PTPRD: variants seen among roughly 807,000 people sequenced by gnomAD.
The protein encoded by PTPRD is protein tyrosine phosphatase receptor type D.
Under a neutral mutation model 214.5 loss-of-function variants are expected in PTPRD, and 34 were observed. The observed-to-expected ratio is 0.16, with a 90% CI of 0.12 to 0.21. The LOEUF (loss-of-function observed/expected upper bound fraction) is 0.21, where lower values mean the gene tolerates loss of function less well. PTPRD is among the 10% of genes least tolerant of loss of function. PTPRD has a pLI of 1.00. For missense variants in PTPRD, 2,545 were observed against 2,398.7 expected (o/e 1.06, Z -1.27); for synonymous variants, 1,128 against 845.7 (o/e 1.33, Z -5.79).
chr9:8,837,478 T>A (rs1381608038), intron 11 of PTPRD, among the ~76,000 whole-genome samples: 2 of 150,024 alleles, frequency 1.3e-5, no homozygotes, highest in African/African-American at 5.0e-5. Context: ...AGAAGACTAA[T>A]CTCCTTTTCT....
intron 9 of PTPRD, among the ~76,000 whole-genome samples, chr9:9,198,019 T>G (rs1271523061): frequency 6.6e-6 from 1 of 152,180 alleles, no homozygotes; most frequent in Non-Finnish European, 1.5e-5. Flanking sequence ...ATAAGTGTTA[T>G]GCAGTGAAAG....
chr9:10,482,276 C>T (rs1189526976), intron 2 of PTPRD, among the ~76,000 whole-genome samples: 2 of 151,872 alleles, frequency 1.3e-5, no homozygotes, highest in Non-Finnish European at 2.9e-5. Flanking sequence ...GAGGCTGAGG[C>T]AGGAGAATGG....
At chr9:8,709,526 A>G (rs1293220772) in intron 12 of PTPRD, among the ~76,000 whole-genome samples, 7 of 150,616 alleles carry the variant, frequency 4.6e-5, no homozygotes, top group Non-Finnish European at 8.9e-5. Context: ...AAAAAAAAAA[A>G]AAAAAGAAAA....
At chr9:9,785,192 G>C (rs2098912387) in intron 5 of PTPRD, among the ~76,000 whole-genome samples, 1 of 151,806 alleles carries the variant, frequency 6.6e-6, no homozygotes, top group South Asian at 2.1e-4. Context: ...AATATAGAAA[G>C]GATCAGAAAA....
intron 32 of PTPRD, 95 bp from the exon 33 acceptor site, chr9:8,460,666 G>A: frequency 8.0e-6 from 10 of 1,245,170 alleles, no homozygotes; most frequent in Non-Finnish European, 1.1e-5. Flanking sequence ...AGGAAATAGT[G>A]GATTTAATGA....
intron 5 of PTPRD, among the ~76,000 whole-genome samples, chr9:9,922,640 C>T (rs1423299825): frequency 2.0e-5 from 3 of 151,662 alleles, no homozygotes; most frequent in East Asian, 1.9e-4. Context: ...ATGTGTTGTA[C>T]TAAATCAAAA....
intron 5 of PTPRD, among the ~76,000 whole-genome samples, chr9:9,806,274 C>CAA (rs143889921): frequency 1.3e-5 from 2 of 149,446 alleles, no homozygotes; most frequent in African/African-American, 4.9e-5. Context: ...TAGACAGTGC[C>CAA]AAAAAAAAAG....
At chr9:8,599,529 A>G (rs2094686665) in intron 14 of PTPRD, among the ~76,000 whole-genome samples, 1 of 152,112 alleles carries the variant, frequency 6.6e-6, no homozygotes, top group African/African-American at 2.4e-5. Flanking sequence ...GAAAGTTACA[A>G]AACACAAAAT....
intron 4 of PTPRD, among the ~76,000 whole-genome samples, chr9:9,957,401 T>A (rs2094014198): frequency 6.6e-6 from 1 of 152,090 alleles, no homozygotes; most frequent in Non-Finnish European, 1.5e-5. Flanking sequence ...ATACTTAAAA[T>A]TATTAATGTT....
chr9:9,458,858 T>C (rs964296647), intron 8 of PTPRD, among the ~76,000 whole-genome samples: 1 of 152,054 alleles, frequency 6.6e-6, no homozygotes, highest in African/African-American at 2.4e-5. Context: ...AAGGATTGCT[T>C]GAGCTTGGGA....
chr9:9,193,941 T>G (rs539394640), intron 9 of PTPRD, among the ~76,000 whole-genome samples: 3 of 152,194 alleles, frequency 2.0e-5, no homozygotes, highest in Non-Finnish European at 4.4e-5. Flanking sequence ...TAAAAATTTT[T>G]TGGCTCTTCT....
At chr9:9,365,902 T>G (rs2057756270) in intron 9 of PTPRD, among the ~76,000 whole-genome samples, 1 of 151,618 alleles carries the variant, frequency 6.6e-6, no homozygotes, top group Non-Finnish European at 1.5e-5. Flanking sequence ...ATTCATTCAT[T>G]AGAATTGTGG....
At chr9:8,890,050 T>C (rs981923408) in intron 11 of PTPRD, among the ~76,000 whole-genome samples, 7 of 152,242 alleles carry the variant, frequency 4.6e-5, no homozygotes, top group Non-Finnish European at 2.9e-5. Flanking sequence ...TTTTCCATAG[T>C]GGTTGTACTA....
intron 5 of PTPRD, among the ~76,000 whole-genome samples, chr9:9,775,092 C>T (rs900314406): frequency 7.2e-5 from 11 of 152,128 alleles, no homozygotes; most frequent in African/African-American, 2.2e-4. Flanking sequence ...TTTGGAGAGT[C>T]GAATGCTCCA....
intron 12 of PTPRD, among the ~76,000 whole-genome samples, chr9:8,666,661 G>A (rs2097176437): frequency 6.6e-6 from 1 of 152,142 alleles, no homozygotes; most frequent in Non-Finnish European, 1.5e-5. Context: ...AAACTTCTAG[G>A]TGACTCATTT....
chr9:9,735,940 T>C (rs1349899027), intron 6 of PTPRD, among the ~76,000 whole-genome samples: 1 of 152,172 alleles, frequency 6.6e-6, no homozygotes, highest in Non-Finnish European at 1.5e-5. Flanking sequence ...TCAATGCTCA[T>C]GTAATTATTA....
chr9:10,515,352 C>T (rs555412870), intron 2 of PTPRD, among the ~76,000 whole-genome samples: 1 of 151,892 alleles, frequency 6.6e-6, no homozygotes, highest in Admixed American at 6.6e-5. Context: ...AATGATAAAG[C>T]CTTTGTGGTC....
At chr9:10,547,719 G>A (rs977410121) in intron 2 of PTPRD, among the ~76,000 whole-genome samples, 1 of 151,786 alleles carries the variant, frequency 6.6e-6, no homozygotes, top group Admixed American at 6.6e-5. Context: ...ATATATAAGT[G>A]TACATATAGC....
chr9:9,297,158 C>T (rs1042331764), intron 9 of PTPRD, among the ~76,000 whole-genome samples: 1 of 151,680 alleles, frequency 6.6e-6, no homozygotes, highest in Admixed American at 6.6e-5. Context: ...AGAAATTTCC[C>T]CTTTATCTCC....
Sources: allele counts gnomAD v4.1 joint callset (sites outside exome capture counted in the v4.1 genomes callset), GRCh38; gene constraint gnomAD v4.1.1; transcripts MANE v1.5; gene names NCBI Gene and HGNC (gene_info 2026-07-23, HGNC 2026-07-21).